The following KANK4 variants were observed in gnomAD, a reference collection of about 807,000 sequenced individuals.
KANK4 encodes the protein KN motif and ankyrin repeat domain-containing protein 4.
A neutral mutation model predicts 80.8 loss-of-function variants in KANK4; 50 were observed. The observed-to-expected ratio is 0.62, with a 90% CI of 0.49 to 0.78. The LOEUF (loss-of-function observed/expected upper bound fraction) is 0.78. KANK4 is among the 30% of genes least tolerant of loss of function. The probability of loss-of-function intolerance (pLI) is 0.00; values close to 1 mark genes in which losing one functional copy is unlikely to be tolerated. For synonymous variants in KANK4, 465 were observed against 506.9 expected (o/e 0.92, Z 1.11); for missense variants, 1,196 against 1,240.1 (o/e 0.96, Z 0.53).
At chr1:62,271,805 C>T (rs1051966109) in intron 3 of KANK4, 2 of 488,318 alleles carry the variant, frequency 4.1e-6, no homozygotes, top group African/African-American at 3.9e-5. Flanking sequence ...TAACAATGCC[C>T]CTCTAAGTGT....
intron 2 of KANK4, among the ~76,000 whole-genome samples, chr1:62,279,206 AC>A: frequency 2.4e-5 from 1 of 41,342 alleles, no homozygotes; most frequent in African/African-American, 5.9e-5. Context: ...GCGCACACAC[AC>A]ACACACACAC....
intron 1 of KANK4, among the ~76,000 whole-genome samples, chr1:62,307,315 C>T (rs1462270861): frequency 1.3e-5 from 2 of 151,790 alleles, no homozygotes; most frequent in Non-Finnish European, 2.9e-5. Flanking sequence ...AAACCTTGTC[C>T]TACTAAAAAT....
Position 62,271,557 on chromosome 1 carries a change from T to C in KANK4, c.1933A>G (p.Met645Val). ...ISPSTSLKSI[M>V]KKKDYGFRAG... ...CGGAAGCCATAGTCTTTCTTTTTCA[T>C]TATGGATTTAAGGCTGGTCGATGGG... The change falls in exon 4 of 10, where the codon ATG becomes GTG. Residue 645 changes from methionine to valine, a missense_variant. By Grantham distance (21) the Met-to-Val change is conservative (BLOSUM62 1). Coordinates refer to ENST00000371153, the MANE Select transcript of KANK4 (RefSeq NM_181712.5). The C allele has an allele frequency of 5.6e-6, 9 of 1,613,962 alleles. No individual in the cohort carries two copies. The highest frequency in any genetic ancestry group is 7.6e-6 in the Non-Finnish European group (9 of 1,179,882).
At chr1:62,268,720 T>C (rs369955734) in intron 4 of KANK4, among the ~76,000 whole-genome samples, 1 of 152,136 alleles carries the variant, frequency 6.6e-6, no homozygotes, top group Non-Finnish European at 1.5e-5. Context: ...GAGAGGCTAT[T>C]TGGGGAGACT....
chr1:62,242,102 T>C (rs1000979938), intron 9 of KANK4, among the ~76,000 whole-genome samples: 1 of 152,118 alleles, frequency 6.6e-6, no homozygotes, highest in Non-Finnish European at 1.5e-5. Context: ...GGTGAGCCTC[T>C]GCTCGACAAC....
At chr1:62,240,083 T>C (rs1044920075) in intron 9 of KANK4, among the ~76,000 whole-genome samples, 1 of 152,244 alleles carries the variant, frequency 6.6e-6, no homozygotes, top group Admixed American at 6.5e-5. Context: ...CCCTGAGGAA[T>C]CACCGCACTG....
At chr1:62,269,854 TA>T (rs1212931263) in intron 4 of KANK4, among the ~76,000 whole-genome samples, 1 of 152,212 alleles carries the variant, frequency 6.6e-6, no homozygotes. Flanking sequence ...CAGAAGTTCC[TA>T]ACCTTAGTGG....
intron 9 of KANK4, among the ~76,000 whole-genome samples, chr1:62,241,303 G>A (rs1386990328): frequency 6.6e-6 from 1 of 152,112 alleles, no homozygotes; most frequent in Non-Finnish European, 1.5e-5. Context: ...GAGAGGATGG[G>A]CACTGTGTGC....
At chr1:62,282,153 G>C (rs186498393) in intron 1 of KANK4, among the ~76,000 whole-genome samples, 1 of 152,228 alleles carries the variant, frequency 6.6e-6, no homozygotes, top group Admixed American at 6.5e-5. Flanking sequence ...TACTGACAGG[G>C]AGCTGCTACT....
intron 9 of KANK4, among the ~76,000 whole-genome samples, chr1:62,241,408 T>C (rs1172885570): frequency 6.6e-6 from 1 of 152,104 alleles, no homozygotes; most frequent in Admixed American, 6.5e-5. Context: ...TCTCAAAACA[T>C]ACAAACTCTT....
chr1:62,282,289 T>C (rs1335975128), intron 1 of KANK4, among the ~76,000 whole-genome samples: 1 of 152,168 alleles, frequency 6.6e-6, no homozygotes, highest in Non-Finnish European at 1.5e-5. Context: ...GGTTTGACCA[T>C]AAATTCTCCC....
chr1:62,283,771 G>A (rs1013620298), intron 1 of KANK4, among the ~76,000 whole-genome samples: 9 of 152,110 alleles, frequency 5.9e-5, no homozygotes, highest in Admixed American at 5.9e-4. Flanking sequence ...CTCATCATCA[G>A]CCTAGGGACT....
At chr1:62,307,345 C>T (rs115160169) in intron 1 of KANK4, among the ~76,000 whole-genome samples, 1,758 of 151,840 alleles carry the variant, frequency 0.012, 30 homozygotes, top group African/African-American at 0.04. Flanking sequence ...AGCCGGACGT[C>T]GTGGTGCACA....
At chr1:62,239,139 T>TG (rs1189102896) in intron 9 of KANK4, among the ~76,000 whole-genome samples, 1 of 152,116 alleles carries the variant, frequency 6.6e-6, no homozygotes, top group Non-Finnish European at 1.5e-5. Flanking sequence ...TGGGCTCAAG[T>TG]GGCCCACCCA....
chr1:62,301,648 C>T lies in KANK4; in HGVS notation c.-71+17458G>A, dbSNP rs758836113. Among the ~76,000 whole-genome samples, 48 of 152,088 alleles carry T rather than the reference C, an allele frequency of 3.2e-4. 1 individual carries two copies. Among genetic ancestry groups the T allele is most frequent in the Middle Eastern group, 3.4e-3 (1 of 294 alleles). On this transcript the variant is annotated intron_variant, in intron 1 of 9. Transcript: ENST00000371153. ...AGTGTGTGTTTAGGTTCCCTAACTG[C>T]GCCCACCGCCTCTACTGCCAGCCCA...
chr1:62,264,773 G>C (rs1310365073), intron 6 of KANK4, among the ~76,000 whole-genome samples: 1 of 152,180 alleles, frequency 6.6e-6, no homozygotes, highest in Non-Finnish European at 1.5e-5. Context: ...TCTGGAGAAA[G>C]ATCCTAATAT....
intron 4 of KANK4, among the ~76,000 whole-genome samples, chr1:62,269,669 C>T (rs1672112331): frequency 6.6e-6 from 1 of 152,148 alleles, no homozygotes; most frequent in South Asian, 2.1e-4. Flanking sequence ...AGGCGCAGTT[C>T]TAAATCCTAT....
At chr1:62,263,518 A>G in intron 6 of KANK4, 1 of 562,628 alleles carries the variant, frequency 1.8e-6, no homozygotes, top group Non-Finnish European at 3.1e-6. Context: ...TGGGAGTGGA[A>G]AGGAAGACTG....
At chr1:62,275,656 C>T (rs1051557407) in intron 2 of KANK4, among the ~76,000 whole-genome samples, 4 of 152,172 alleles carry the variant, frequency 2.6e-5, no homozygotes, top group Admixed American at 1.3e-4. Flanking sequence ...CAGATGCCTG[C>T]GCCTCAGGTA....
Sources: allele counts gnomAD v4.1 joint callset (sites outside exome capture counted in the v4.1 genomes callset), GRCh38; gene constraint gnomAD v4.1.1; transcripts MANE v1.5; gene names NCBI Gene and HGNC (gene_info 2026-07-23, HGNC 2026-07-21).